Variants in SYT2 observed in about 807,000 individuals in gnomAD.
The protein encoded by SYT2 is synaptotagmin-2.
Under a neutral mutation model 39.9 loss-of-function variants are expected in SYT2, and 15 were observed. The ratio of observed to expected loss-of-function variants is 0.38; its 90% CI spans 0.25 to 0.58. SYT2 has a LOEUF of 0.58. Ranked by LOEUF, SYT2 falls within the 20% of genes least tolerant of loss-of-function variation. The pLI is 0.70. For synonymous variants in SYT2, 181 were observed against 204.5 expected (o/e 0.89, Z 0.98); for missense variants, 389 against 530.3 (o/e 0.73, Z 2.62).
intron 1 of SYT2, among the ~76,000 whole-genome samples, chr1:202,664,404 A>T (rs1374285291): frequency 6.6e-6 from 1 of 152,182 alleles, no homozygotes; most frequent in Non-Finnish European, 1.5e-5. Context: ...ACATACATGC[A>T]ATGAAATATC....
chr1:202,645,285 G>C (rs1692057634), intron 1 of SYT2, among the ~76,000 whole-genome samples: 1 of 152,242 alleles, frequency 6.6e-6, no homozygotes, highest in Non-Finnish European at 1.5e-5. Flanking sequence ...TGTCACCTGA[G>C]ATGGGTGTGC....
chr1:202,658,576 CTG>C (rs747423722), intron 1 of SYT2, among the ~76,000 whole-genome samples: 5 of 152,108 alleles, frequency 3.3e-5, no homozygotes, highest in African/African-American at 9.7e-5. Context: ...TAGGTGCAAG[CTG>C]TGAGTACGTG....
chr1:202,690,309 A>C (rs185539111), intron 1 of SYT2, among the ~76,000 whole-genome samples: 20 of 152,310 alleles, frequency 1.3e-4, no homozygotes, highest in Non-Finnish European at 2.6e-4. Flanking sequence ...CCAAGAAAAG[A>C]GAAATAGACA....
rs574514474 is a variant in SYT2 at position 202,637,357 on chromosome 1, A to T, written c.-17-31568T>A. Among the ~76,000 whole-genome samples, 39 of 152,252 alleles carry T rather than the reference A, an allele frequency of 2.6e-4. No individual in the cohort carries two copies. In the East Asian group the frequency reaches 5.4e-3, roughly 21 times the overall value. ...ACAGAGTGAGACCCTGTCTCAAAAA[A>T]CCTGAAAACCAAAACCGAAAACCAA... On this transcript the variant is annotated intron_variant, in intron 1 of 8. Transcript: ENST00000367268.
intron 1 of SYT2, among the ~76,000 whole-genome samples, chr1:202,655,454 G>A (rs1347453221): frequency 6.6e-6 from 1 of 152,068 alleles, no homozygotes; most frequent in Non-Finnish European, 1.5e-5. Context: ...AGCTGATCAA[G>A]TGTCTGAGAG....
At chr1:202,658,744 T>G (rs929698351) in intron 1 of SYT2, among the ~76,000 whole-genome samples, 110 of 150,952 alleles carry the variant, frequency 7.3e-4, no homozygotes, top group African/African-American at 2.6e-3. Flanking sequence ...AAAAAAGGAG[T>G]GGCCAGATTG....
Position 202,628,689 on chromosome 1 carries a change from A to T in SYT2, c.-17-22900T>A, listed in dbSNP as rs1441849717. On this transcript the variant is annotated intron_variant, in intron 1 of 8. Transcript: ENST00000367268. The surrounding 1 kb of genome is among the most constrained non-coding windows in gnomAD (Gnocchi z 4.2). The stretch of plus-strand genomic sequence containing the variant: ...GATGAACCATGGCCTCAAAACACCC[A>T]TGGGCTGGAGGAGGGGAGCAGTGAG... 6.6e-6 allele frequency among the ~76,000 whole-genome samples: 1 copy of T among 152,192 alleles called. No individual in the cohort carries two copies. Among genetic ancestry groups the T allele is most frequent in the Admixed American group, 6.5e-5 (1 of 15,276 alleles).
intron 1 of SYT2, among the ~76,000 whole-genome samples, chr1:202,675,622 A>G (rs1356831561): frequency 2.0e-5 from 3 of 152,096 alleles, no homozygotes; most frequent in Non-Finnish European, 4.4e-5. Flanking sequence ...GAGGTCCTGG[A>G]CACCGAGCAG....
At chr1:202,665,250 C>T (rs533466076) in intron 1 of SYT2, among the ~76,000 whole-genome samples, 5 of 152,178 alleles carry the variant, frequency 3.3e-5, no homozygotes, top group East Asian at 3.8e-4. Flanking sequence ...TCACCTCTTG[C>T]GTAAAGCACA....
rs186996890 is a variant in SYT2 at position 202,628,760 on chromosome 1, G to C, written c.-17-22971C>G. ...AAGCCTCAACTTGGAATTCTATGTG[G>C]ATCCAAACCTAGAAGACAGCTCCGC... On this transcript the variant is annotated intron_variant, in intron 1 of 8. Coordinates refer to ENST00000367268, the MANE Select transcript of SYT2 (RefSeq NM_177402.5). The surrounding 1 kb of genome is among the most constrained non-coding windows in gnomAD (Gnocchi z 4.2). Among the ~76,000 whole-genome samples the C allele has an allele frequency of 1.4e-3, 209 of 152,348 alleles. 3 individuals carry two copies. The South Asian group carries it at 0.026, about 19-fold the overall frequency.
At chr1:202,619,914 C>G (rs893837452) in intron 1 of SYT2, among the ~76,000 whole-genome samples, 1 of 152,184 alleles carries the variant, frequency 6.6e-6, no homozygotes, top group Non-Finnish European at 1.5e-5. Flanking sequence ...AGCATCATTT[C>G]AAAGGCAAGG....
intron 1 of SYT2, among the ~76,000 whole-genome samples, chr1:202,667,203 A>G (rs900569359): frequency 6.9e-6 from 1 of 144,298 alleles, no homozygotes; most frequent in African/African-American, 2.9e-5. Context: ...GGCTGGGAGG[A>G]AAAAAAGGAG....
Position 202,604,563 on chromosome 1 carries a change from G to A in SYT2, c.237C>T (p.Cys79=). The A allele has an allele frequency of 1.9e-6, 3 of 1,614,196 alleles. No homozygotes were observed. Among genetic ancestry groups the A allele is most frequent in the East Asian group, 4.5e-5 (2 of 44,880 alleles). ...AGCATTTCTTGCAGATGCAGAAGCA[G>A]CAGGTGAGAAGCAGGAGCCCAGCAA... ...AVVAGLLLLT[C]CFCICKKCCC... The change falls in exon 3 of 9, where the codon TGC becomes TGT. Residue 79 remains cysteine (C), a synonymous_variant. Transcript: ENST00000367268.
At chr1:202,698,119 C>CCCG (rs1553344141) in intron 1 of SYT2, among the ~76,000 whole-genome samples, 1 of 151,974 alleles carries the variant, frequency 6.6e-6, no homozygotes, top group Non-Finnish European at 1.5e-5. Flanking sequence ...ACCACCCCCC[C>CCCG]AAGGAAAGTT....
intron 1 of SYT2, among the ~76,000 whole-genome samples, chr1:202,652,898 A>T (rs1050099210): frequency 6.6e-6 from 1 of 152,140 alleles, no homozygotes; most frequent in Admixed American, 6.5e-5. Flanking sequence ...TAACCCATTT[A>T]AAGCACAGTG....
At chr1:202,625,118 ATGTGTGTCGTGTGTGTGGC>A in intron 1 of SYT2, among the ~76,000 whole-genome samples, 1 of 1,792 alleles carries the variant, frequency 5.6e-4, no homozygotes, top group Admixed American at 8.2e-3. Context: ...TGTGTGTGGT[ATGTGTGTCGTGTGTGTGGC>A]GTGTAATAGG....
intron 1 of SYT2, among the ~76,000 whole-genome samples, chr1:202,663,891 T>A (rs1692435449): frequency 6.6e-6 from 1 of 152,168 alleles, no homozygotes; most frequent in African/African-American, 2.4e-5. Context: ...GGGTTTGTAC[T>A]AACTTTTGGA....
chr1:202,603,366 C>T (rs1205596481), intron 3 of SYT2, among the ~76,000 whole-genome samples: 2 of 152,200 alleles, frequency 1.3e-5, no homozygotes, highest in Non-Finnish European at 1.5e-5. Flanking sequence ...CACCACTCTC[C>T]TGCCTCTGAG....
At chr1:202,660,080 T>C (rs141990109) in intron 1 of SYT2, among the ~76,000 whole-genome samples, 3 of 152,226 alleles carry the variant, frequency 2.0e-5, no homozygotes, top group Admixed American at 6.5e-5. Context: ...GCAATGCCCA[T>C]TGCCAGTTGA....
Sources: allele counts gnomAD v4.1 joint callset (sites outside exome capture counted in the v4.1 genomes callset), GRCh38; gene constraint gnomAD v4.1.1; non-coding constraint Gnocchi (gnomAD v3.1); transcripts MANE v1.5; gene names NCBI Gene and HGNC (gene_info 2026-07-23, HGNC 2026-07-21).